Variants in PEBP4 observed in about 807,000 individuals in gnomAD.
PEBP4 encodes the protein phosphatidylethanolamine-binding protein 4.
Under a neutral mutation model 23.9 loss-of-function variants are expected in PEBP4, and 22 were observed. The observed-to-expected ratio is 0.92, with a 90% CI of 0.66 to 1.31. PEBP4 has a LOEUF of 1.31. Ranked by LOEUF, PEBP4 falls within the 40% of genes most tolerant of loss-of-function variation. PEBP4 has a pLI of 0.00. For missense variants in PEBP4, 324 were observed against 281.7 expected, an observed-to-expected ratio of 1.15 and a Z score of -1.07; for synonymous variants, 112 against 99.3, an observed-to-expected ratio of 1.13 and a Z score of -0.76.
rs111533363 is a variant in PEBP4, at chr8:22,732,985, C to T, written c.358-5765G>A. On this transcript the variant is annotated intron_variant, in intron 4 of 6. Coordinates refer to ENST00000256404, the MANE Select transcript of PEBP4 (RefSeq NM_144962.3). ...GTCCAGGGTGATGCAGACTGTCTTC[C>T]CAGACTTGTCCCGTCTGGGTCAGGT... 8.2e-3 allele frequency among the ~76,000 whole-genome samples: 1,256 copies of T among 152,286 alleles called. 15 individuals carry two copies. The highest frequency in any genetic ancestry group is 0.029 in the African/African-American group (1,194 of 41,554).
intron 3 of PEBP4, among the ~76,000 whole-genome samples, chr8:22,853,843 T>C (rs1211265988): frequency 6.6e-6 from 1 of 151,988 alleles, no homozygotes; most frequent in Non-Finnish European, 1.5e-5. Flanking sequence ...TTAGGAGGAG[T>C]TGGGATCTGC....
At chr8:22,795,157 ATATATATTTTTTTTTTTTT>A (rs1470952781) in intron 4 of PEBP4, among the ~76,000 whole-genome samples, 2 of 30,752 alleles carry the variant, frequency 6.5e-5, no homozygotes, top group Non-Finnish European at 1.2e-4. Context: ...ATATATATAT[ATATATATTTTTTTTTTTTT>A]TTTTTTTTTT....
chr8:22,935,773 C>G lies in PEBP4; in HGVS notation c.145-8053G>C, dbSNP rs548321247. On this transcript the variant is annotated intron_variant, in intron 1 of 1. Coordinates refer to the PEBP4 transcript ENST00000522278. ...TTTCATGTTTAGACTTAGGTCCCAT[C>G]TCCAAAATATCTCATATATGCAAAT... 1.2e-4 allele frequency among the ~76,000 whole-genome samples: 19 copies of G among 152,164 alleles called. No homozygotes were observed. In the South Asian group the frequency reaches 2.3e-3, roughly 18 times the overall value.
chr8:22,810,877 T>TGAGAGA (rs33995327), intron 4 of PEBP4, among the ~76,000 whole-genome samples: 3,677 of 137,166 alleles, frequency 0.027, 71 homozygotes, highest in South Asian at 0.056. Flanking sequence ...CTCAGAGTGC[T>TGAGAGA]GAGAGAGAGA....
At chr8:22,901,643 C>A (rs564042242) in intron 3 of PEBP4, among the ~76,000 whole-genome samples, 7 of 152,190 alleles carry the variant, frequency 4.6e-5, no homozygotes, top group Non-Finnish European at 7.3e-5. Context: ...AGGGCAAGGC[C>A]AAACCTACTC....
At chr8:22,925,140 G>A in intron 2 of PEBP4, 1 of 985,332 alleles carries the variant, frequency 1.0e-6, no homozygotes, top group Middle Eastern at 5.2e-4. Context: ...CATTCATGAT[G>A]CTCTCTTCCA....
chr8:22,782,717 C>T (rs1033710126), intron 4 of PEBP4, among the ~76,000 whole-genome samples: 1 of 152,228 alleles, frequency 6.6e-6, no homozygotes, highest in Non-Finnish European at 1.5e-5. Flanking sequence ...AGAGCCCGAC[C>T]ACTTTCATCT....
At chr8:22,914,419 C>A (rs1214041731) in intron 3 of PEBP4, among the ~76,000 whole-genome samples, 1 of 152,196 alleles carries the variant, frequency 6.6e-6, no homozygotes, top group East Asian at 1.9e-4. Context: ...CTGTGCCCAG[C>A]CCCTGCCAGC....
chr8:22,797,020 C>A (rs1806274838), intron 4 of PEBP4, among the ~76,000 whole-genome samples: 1 of 151,224 alleles, frequency 6.6e-6, no homozygotes, highest in Non-Finnish European at 1.5e-5. Flanking sequence ...CTTTGGGAGG[C>A]CAAGGCAGGT....
chr8:22,913,475 C>G (rs1416771143), intron 3 of PEBP4, among the ~76,000 whole-genome samples: 2 of 152,178 alleles, frequency 1.3e-5, no homozygotes, highest in African/African-American at 4.8e-5. Context: ...TGCCTCTTCC[C>G]CCTGCAGTAG....
chr8:22,917,361 C>G (rs11775299), intron 3 of PEBP4, among the ~76,000 whole-genome samples: 54,439 of 152,000 alleles, frequency 0.36, 10,109 homozygotes, highest in East Asian at 0.55. Context: ...ACCAGTCATG[C>G]CCTCTCCCTT....
At chr8:22,863,062 A>G (rs1807815483) in intron 3 of PEBP4, among the ~76,000 whole-genome samples, 1 of 152,086 alleles carries the variant, frequency 6.6e-6, no homozygotes, top group Non-Finnish European at 1.5e-5. Flanking sequence ...GGCCTCCCAA[A>G]GTGCTGGGAT....
At chr8:22,713,948 C>T (rs574102408) in intron 6 of PEBP4, among the ~76,000 whole-genome samples, 1 of 152,376 alleles carries the variant, frequency 6.6e-6, no homozygotes, top group African/African-American at 2.4e-5. Flanking sequence ...CAGGAGGCTT[C>T]ACCCACTACT....
rs576622026 is a variant in PEBP4, at chr8:22,725,386, C to T, written c.404-430G>A. ...CGGCATTTGCTTATGAACTCAATCC[C>T]CAAAGAAGCCAATTTCTTGGCTGCG... is the stretch of plus-strand genomic sequence containing the variant. On this transcript the variant is annotated intron_variant, in intron 5 of 6. Transcript: ENST00000256404. Among the ~76,000 whole-genome samples the T allele has an allele frequency of 1.1e-4, 16 of 152,104 alleles. No homozygotes were observed. The East Asian group carries it at 3.1e-3, about 29-fold the overall frequency.
chr8:22,880,688 T>C (rs1431399146), intron 3 of PEBP4: 1 of 152,742 alleles, frequency 6.5e-6, no homozygotes, highest in Admixed American at 6.5e-5. Context: ...CCCTTCCCGA[T>C]ACCTTCCTCC....
chr8:22,786,438 A>G (rs1434608992), intron 4 of PEBP4, among the ~76,000 whole-genome samples: 1 of 151,978 alleles, frequency 6.6e-6, no homozygotes, highest in Non-Finnish European at 1.5e-5. Flanking sequence ...GCACGCCACC[A>G]TGTCCGGCAA....
intron 4 of PEBP4, among the ~76,000 whole-genome samples, chr8:22,765,657 C>T (rs1179038746): frequency 1.3e-5 from 2 of 152,268 alleles, no homozygotes; most frequent in South Asian, 2.1e-4. Flanking sequence ...TCCTCTTCTA[C>T]TCCAGGATAA....
intron 6 of PEBP4, among the ~76,000 whole-genome samples, chr8:22,718,720 C>A (rs2128747870): frequency 6.6e-6 from 1 of 152,214 alleles, no homozygotes; most frequent in South Asian, 2.1e-4. Flanking sequence ...CCAGGTGAAC[C>A]ACCATGGGAG....
rs147311135 is a variant in PEBP4, at chr8:22,801,288, A to G, written c.357+16349T>C. Among the ~76,000 whole-genome samples the G allele has an allele frequency of 5.3e-5, 8 of 152,236 alleles. No individual in the cohort carries two copies. The East Asian group carries it at 1.5e-3, about 29-fold the overall frequency. Reference sequence around the variant, plus strand: ...GCCTCACATCAGCCCTATGGGGTGCATGGTGTCTTTTATAGACTGGGGCTC... The same window carrying G: ...GCCTCACATCAGCCCTATGGGGTGCGTGGTGTCTTTTATAGACTGGGGCTC... On this transcript the variant is annotated intron_variant, in intron 4 of 6. Coordinates refer to ENST00000256404, the MANE Select transcript of PEBP4 (RefSeq NM_144962.3).
Sources: gnomAD v4.1 joint callset for allele counts (sites outside exome capture counted in the v4.1 genomes callset) on GRCh38, gnomAD v4.1.1 for gene constraint, MANE v1.5 for transcripts, NCBI Gene and HGNC (gene_info 2026-07-23, HGNC 2026-07-21) for gene names.